FLNB: variants seen among roughly 807,000 people sequenced by gnomAD.
FLNB encodes the protein filamin-B.
FLNB carries 111 observed loss-of-function variants against 250.6 expected under a neutral mutation model. The ratio of observed to expected loss-of-function variants is 0.44; its 90% CI spans 0.38 to 0.52. FLNB has a LOEUF of 0.52. Among genes scored for constraint, FLNB ranks in the 20% least tolerant of loss-of-function variants. The pLI, the probability that FLNB is intolerant of heterozygous loss-of-function variation, is 0.00. For missense variants in FLNB, 2,869 were observed against 3,447.8 expected, an observed-to-expected ratio of 0.83 and a Z score of 4.20; for synonymous variants, 1,302 against 1,372.1, an observed-to-expected ratio of 0.95 and a Z score of 1.13.
chr3:58,072,934 CGATTTCATGTTAAT>C, intron 1 of FLNB, among the ~76,000 whole-genome samples: 1 of 152,112 alleles, frequency 6.6e-6, no homozygotes, highest in East Asian at 1.9e-4. Context: ...TAGAGCAAGC[CGATTTCATGTTAAT>C]GATTTCATGT....
intron 41 of FLNB, among the ~76,000 whole-genome samples, chr3:58,159,257 A>G (rs2097357800): frequency 6.6e-6 from 1 of 152,150 alleles, no homozygotes; most frequent in Non-Finnish European, 1.5e-5. Flanking sequence ...CTGCATGGGC[A>G]TTATTTTGGA....
intron 1 of FLNB, among the ~76,000 whole-genome samples, chr3:58,040,154 C>A (rs1402545687): frequency 6.6e-6 from 1 of 152,130 alleles, no homozygotes; most frequent in African/African-American, 2.4e-5. Flanking sequence ...AAGAAGCAAG[C>A]CAGATCTTTG....
intron 25 of FLNB, 101 bp downstream of exon 25, chr3:58,131,009 T>C: frequency 9.0e-7 from 1 of 1,111,088 alleles, no homozygotes; most frequent in Non-Finnish European, 1.3e-6. Context: ...CTCATGAGCT[T>C]AAAATTAAAT....
At chr3:58,059,042 G>A (rs1382860934) in intron 1 of FLNB, among the ~76,000 whole-genome samples, 2 of 152,208 alleles carry the variant, frequency 1.3e-5, no homozygotes, top group East Asian at 3.8e-4. Flanking sequence ...CTCTCTTTGA[G>A]ATTGTCAATG....
At chr3:58,009,910 A>C (rs2097095934) in intron 1 of FLNB, among the ~76,000 whole-genome samples, 1 of 152,202 alleles carries the variant, frequency 6.6e-6, no homozygotes, top group East Asian at 1.9e-4. Flanking sequence ...GAGGCTTCCC[A>C]GAGGGCCACA....
chr3:58,115,670 G>A (rs2097276656), intron 18 of FLNB, among the ~76,000 whole-genome samples: 1 of 152,198 alleles, frequency 6.6e-6, no homozygotes, highest in Admixed American at 6.5e-5. Context: ...GCCATGCTGA[G>A]TACTCACTTA....
intron 1 of FLNB, among the ~76,000 whole-genome samples, chr3:58,056,108 T>TA (rs200149385): frequency 0.031 from 3,936 of 126,556 alleles, 71 homozygotes; most frequent in African/African-American, 0.084. Flanking sequence ...TTTATTTATT[T>TA]TTTTTTTTTT....
chr3:58,152,987 A>T (rs375287552), intron 38 of FLNB: 1 of 332,890 alleles, frequency 3.0e-6, no homozygotes, highest in Non-Finnish European at 5.9e-6. Flanking sequence ...CCCCTCTGCC[A>T]TTGGGACTTA....
chr3:58,154,298 T>C (rs2097349930), intron 39 of FLNB, among the ~76,000 whole-genome samples: 1 of 152,100 alleles, frequency 6.6e-6, no homozygotes, highest in Non-Finnish European at 1.5e-5. Context: ...ACTCTAGCAC[T>C]TTGCAAGGCC....
chr3:58,029,850 G>T (rs2097128417), intron 1 of FLNB, among the ~76,000 whole-genome samples: 1 of 103,410 alleles, frequency 9.7e-6, no homozygotes, highest in Non-Finnish European at 1.8e-5. Flanking sequence ...CTCTGGGATT[G>T]AATCTGGAAT....
At chr3:58,106,352 CTATA>C (rs10540627) in intron 11 of FLNB, among the ~76,000 whole-genome samples, 42,286 of 132,836 alleles carry the variant, frequency 0.32, 7,275 homozygotes, top group East Asian at 0.54. Flanking sequence ...GTATTTAATA[CTATA>C]TATATATATA....
chr3:58,109,146 C>A (rs1056297554), intron 13 of FLNB, 33 bp from the exon 14 acceptor site: 1 of 1,613,938 alleles, frequency 6.2e-7, no homozygotes, highest in Non-Finnish European at 8.5e-7. Context: ...AGTGTGAGGG[C>A]CACCTCTGGT....
chr3:58,015,177 C>A (rs991263523), intron 1 of FLNB, among the ~76,000 whole-genome samples: 2 of 152,212 alleles, frequency 1.3e-5, no homozygotes, highest in Admixed American at 6.5e-5. Flanking sequence ...ACTGCTTTAA[C>A]CTTTCTGTGC....
intron 1 of FLNB, among the ~76,000 whole-genome samples, chr3:58,046,499 G>C (rs2097154481): frequency 6.6e-6 from 1 of 151,240 alleles, no homozygotes; most frequent in Non-Finnish European, 1.5e-5. Flanking sequence ...GCCCAGGCTG[G>C]AGTGCAGTGG....
rs777361871 is a variant in FLNB at position 58,130,865 on chromosome 3, G to A, written c.4347G>A (p.Lys1449=). Residue 1449 remains lysine, a synonymous_variant, in exon 25 of 46, where the codon AAG becomes AAA. Coordinates refer to ENST00000295956, the MANE Select transcript of FLNB (RefSeq NM_001457.4). ...AGTCCTTCACGGTGGACAGCAGCAA[G>A]GCTGGCCTGGCTCCGCTGGAAGTGA... ...VLQSFTVDSS[K]AGLAPLEVRV... The A allele has an allele frequency of 6.2e-7, 1 of 1,613,064 alleles. No individual in the cohort carries two copies. Among genetic ancestry groups the A allele is most frequent in the Non-Finnish European group, 8.5e-7 (1 of 1,179,766 alleles).
chr3:58,139,380 C>T (rs1381568818), intron 29 of FLNB, among the ~76,000 whole-genome samples: 2 of 152,290 alleles, frequency 1.3e-5, no homozygotes, highest in East Asian at 3.9e-4. Flanking sequence ...CACTTGACCA[C>T]AAGGTTTATA....
Position 58,060,710 on chromosome 3 carries a change from G to A in FLNB, c.293-16336G>A, listed in dbSNP as rs534846974. On this transcript the variant is annotated intron_variant, in intron 1 of 45. Coordinates refer to ENST00000295956, the MANE Select transcript of FLNB (RefSeq NM_001457.4). ...CACCCCTGTAGTCCCAGCTACTTGT[G>A]AGGCTGGGGCAGGAGGATTGCTTGA... Among the ~76,000 whole-genome samples, 3 of 133,026 alleles carry A rather than the reference G, an allele frequency of 2.3e-5. No homozygotes were observed. The East Asian group carries it at 7.0e-4, about 31-fold the overall frequency. The allele number at this position is 133,026 out of a possible 152,430, so 87.3% of individuals were successfully genotyped here. A position where few individuals can be genotyped will look rare whatever the true frequency, so the allele number is the denominator to read the frequency against.
At chr3:58,138,109 C>T (rs749881415) in intron 28 of FLNB, among the ~76,000 whole-genome samples, 173 bp from the exon 29 acceptor site, 5 of 152,206 alleles carry the variant, frequency 3.3e-5, no homozygotes, top group African/African-American at 4.8e-5. Flanking sequence ...TAATTGATGA[C>T]GTAACCCTTT....
chr3:58,100,373 A>AAAAAAAATATATATAT lies in FLNB; in HGVS notation c.1345+1466_1345+1467insAAAAAATATATATATA. ...AATGATTTTACATATGTAAAAAAAA[A>AAAAAAAATATATATAT]ATATATATATATTTGCAGGGGCGCG... On this transcript the variant is annotated intron_variant, in intron 8 of 45. Coordinates refer to ENST00000295956, the MANE Select transcript of FLNB (RefSeq NM_001457.4). Among the ~76,000 whole-genome samples the AAAAAAAATATATATAT allele has an allele frequency of 6.3e-4, 66 of 104,346 alleles. 2 individuals are homozygous for AAAAAAAATATATATAT. Among genetic ancestry groups the AAAAAAAATATATATAT allele is most frequent in the Non-Finnish European group, 1.0e-3 (56 of 56,014 alleles). The allele number at this position is 104,346 out of a possible 152,430, so 68.5% of individuals were successfully genotyped here.
Sources: allele counts gnomAD v4.1 joint callset (sites outside exome capture counted in the v4.1 genomes callset), GRCh38; gene constraint gnomAD v4.1.1; transcripts MANE v1.5; gene names NCBI Gene and HGNC (gene_info 2026-07-23, HGNC 2026-07-21).